Variants in CHLSN observed in about 807,000 individuals in gnomAD.
CHLSN encodes cholesin.
chr7:1,113,506 G>A, the CHLSN span, among the ~76,000 whole-genome samples: 1 of 152,180 alleles, frequency 6.6e-6, no homozygotes, highest in South Asian at 2.1e-4. Context: ...AGAAGATTCT[G>A]TAAGCATCAC....
chr7:987,542 G>T, the CHLSN span: 1 of 1,510,450 alleles, frequency 6.6e-7, no homozygotes, highest in South Asian at 1.2e-5. Context: ...GTGGGGCTGG[G>T]CCTCCCTTGC....
chr7:1,084,280 G>T, the CHLSN span, among the ~76,000 whole-genome samples: 2 of 152,234 alleles, frequency 1.3e-5, no homozygotes, highest in Non-Finnish European at 2.9e-5. Context: ...GCGGAGGCGG[G>T]GGACGCCAGC....
chr7:1,112,312 G>C, the CHLSN span, among the ~76,000 whole-genome samples: 1 of 152,346 alleles, frequency 6.6e-6, no homozygotes, highest in Non-Finnish European at 1.5e-5. Flanking sequence ...AGCAGGCTGA[G>C]AAAGCCCAGC....
At chr7:1,099,005 T>C in the CHLSN span, among the ~76,000 whole-genome samples, 4 of 152,398 alleles carry the variant, frequency 2.6e-5, no homozygotes, top group Non-Finnish European at 5.9e-5. Context: ...AAAGCTGCCA[T>C]TGAGACCACA....
At chr7:1,109,818 C>T in the CHLSN span, among the ~76,000 whole-genome samples, 2 of 152,190 alleles carry the variant, frequency 1.3e-5, no homozygotes, top group Non-Finnish European at 2.9e-5. Context: ...TGCGTCTCGG[C>T]GCCACGGGTG....
chr7:1,033,717 G>T, the CHLSN span, among the ~76,000 whole-genome samples: 2 of 152,202 alleles, frequency 1.3e-5, no homozygotes, highest in Non-Finnish European at 2.9e-5. Context: ...TGCCTCCTGA[G>T]TGAGGTGAGG....
the CHLSN span, chr7:1,044,639 GGCC>G: frequency 6.6e-6 from 1 of 151,856 alleles, no homozygotes; most frequent in Admixed American, 6.6e-5. Flanking sequence ...CGACTGCGCC[GGCC>G]GCCGCCCAGC....
the CHLSN span, among the ~76,000 whole-genome samples, chr7:1,078,260 C>T: frequency 3.3e-5 from 5 of 152,048 alleles, no homozygotes; most frequent in South Asian, 2.1e-4. Context: ...CAGAGCACAG[C>T]GGGTGCCCTA....
At chr7:995,988 G>A in the CHLSN span, among the ~76,000 whole-genome samples, 2 of 152,216 alleles carry the variant, frequency 1.3e-5, no homozygotes, top group Non-Finnish European at 2.9e-5. Flanking sequence ...CTCCGGCCCC[G>A]AGTCTCGATG....
At chr7:1,085,832 C>CAAA in the CHLSN span, among the ~76,000 whole-genome samples, 1 of 134,108 alleles carries the variant, frequency 7.5e-6, no homozygotes, top group South Asian at 2.4e-4. Flanking sequence ...AATCCTGTCT[C>CAAA]AAAAAAAAAA....
the CHLSN span, chr7:986,798 G>A: frequency 2.6e-6 from 4 of 1,553,432 alleles, no homozygotes; most frequent in Admixed American, 3.8e-5. Flanking sequence ...GCAGGGACAG[G>A]TGTGTCGGGA....
At chr7:1,001,855 GT>G in the CHLSN span, among the ~76,000 whole-genome samples, 2 of 110,530 alleles carry the variant, frequency 1.8e-5, no homozygotes, top group African/African-American at 7.7e-5. Flanking sequence ...CTGTGGGTGA[GT>G]GGAGTCCTGT....
At chr7:998,647 T>C in the CHLSN span, among the ~76,000 whole-genome samples, 1 of 152,094 alleles carries the variant, frequency 6.6e-6, no homozygotes, top group African/African-American at 2.4e-5. Context: ...GTTTTTGCCA[T>C]GTTGGCCAGG....
the CHLSN span, among the ~76,000 whole-genome samples, chr7:1,030,173 G>C: frequency 4.6e-5 from 7 of 152,152 alleles, no homozygotes; most frequent in Non-Finnish European, 1.0e-4. Flanking sequence ...CTGCCTCCAT[G>C]AACGCGCCAA....
chr7:1,115,579 C>T, the CHLSN span, among the ~76,000 whole-genome samples: 1 of 136,416 alleles, frequency 7.3e-6, no homozygotes, highest in Non-Finnish European at 1.6e-5. Flanking sequence ...ATCACCAACG[C>T]CCAGGCAGGA....
chr7:1,022,542 G>C, the CHLSN span, among the ~76,000 whole-genome samples: 3 of 152,064 alleles, frequency 2.0e-5, no homozygotes, highest in Admixed American at 1.3e-4. Flanking sequence ...GAGGGAACAC[G>C]GGACGCCCAC....
At chr7:1,022,240 T>C in the CHLSN span, among the ~76,000 whole-genome samples, 5 of 152,280 alleles carry the variant, frequency 3.3e-5, no homozygotes, top group East Asian at 3.9e-4. Context: ...CGGGGAGGCA[T>C]GTCCCCACCC....
At chr7:1,100,113 T>C in the CHLSN span, among the ~76,000 whole-genome samples, 4 of 152,152 alleles carry the variant, frequency 2.6e-5, no homozygotes, top group African/African-American at 9.7e-5. Context: ...GGTTGCCAGG[T>C]GGAGGGTGCT....
At chr7:1,102,934 C>T in the CHLSN span, among the ~76,000 whole-genome samples, 1 of 152,228 alleles carries the variant, frequency 6.6e-6, no homozygotes, top group East Asian at 1.9e-4. Context: ...GCAGCTTGAA[C>T]AGAAACACTG....
Sources: allele counts gnomAD v4.1 joint callset (sites outside exome capture counted in the v4.1 genomes callset), GRCh38; gene constraint gnomAD v4.1.1; transcripts MANE v1.5; gene names NCBI Gene and HGNC (gene_info 2026-07-23, HGNC 2026-07-21).